Variants in SPAG6 observed in about 807,000 individuals in gnomAD.
SPAG6 encodes the protein sperm-associated antigen 6.
Under a neutral mutation model 58.5 loss-of-function variants are expected in SPAG6, and 49 were observed. The ratio of observed to expected loss-of-function variants is 0.84; its 90% CI spans 0.67 to 1.06. The LOEUF is 1.06. Among genes scored for constraint, SPAG6 ranks in the 50% least tolerant of loss-of-function variants. SPAG6 has a pLI of 0.00. For synonymous variants in SPAG6, 233 were observed against 225.6 expected (o/e 1.03, Z -0.29); for missense variants, 560 against 611.3 (o/e 0.92, Z 0.89).
chr10:22,394,911 G>C (rs1158490345), intron 8 of SPAG6, among the ~76,000 whole-genome samples: 1 of 152,096 alleles, frequency 6.6e-6, no homozygotes, highest in Non-Finnish European at 1.5e-5. Flanking sequence ...GGGTCTCACT[G>C]TGTTGCCCAG....
chr10:22,372,890 A>C (rs1040944323), intron 4 of SPAG6, among the ~76,000 whole-genome samples: 6 of 152,220 alleles, frequency 3.9e-5, no homozygotes, highest in Admixed American at 1.3e-4. Context: ...ATAGATGAGC[A>C]GACTGAAGTA....
chr10:22,414,391 A>C (rs767344352), intron 10 of SPAG6, among the ~76,000 whole-genome samples: 11 of 152,182 alleles, frequency 7.2e-5, no homozygotes, highest in Non-Finnish European at 1.2e-4. Flanking sequence ...CCGAAGGAGT[A>C]CGCTAAGAGC....
At chr10:22,361,006 G>A in intron 2 of SPAG6, 2 of 609,176 alleles carry the variant, frequency 3.3e-6, no homozygotes, top group East Asian at 2.8e-5. Flanking sequence ...TGTTTAATAT[G>A]TGTAAGAGGT....
chr10:22,415,562 T>G (rs1834848039), intron 10 of SPAG6, among the ~76,000 whole-genome samples: 1 of 152,180 alleles, frequency 6.6e-6, no homozygotes, highest in Admixed American at 6.5e-5. Flanking sequence ...CATAAGTAGC[T>G]GTTTAACTAT....
intron 4 of SPAG6, among the ~76,000 whole-genome samples, chr10:22,386,328 C>T (rs1834061968): frequency 6.6e-6 from 1 of 152,022 alleles, no homozygotes; most frequent in South Asian, 2.1e-4. Context: ...AATGTTTACT[C>T]ACGTAAATAG....
chr10:22,413,382 A>T (rs961851319), intron 10 of SPAG6, among the ~76,000 whole-genome samples: 1 of 151,914 alleles, frequency 6.6e-6, no homozygotes, highest in Admixed American at 6.6e-5. Flanking sequence ...AAATACAAAA[A>T]ATTAGCCTGG....
At chr10:22,362,563 A>T (rs1309883314) in intron 2 of SPAG6, among the ~76,000 whole-genome samples, 1 of 151,902 alleles carries the variant, frequency 6.6e-6, no homozygotes. Context: ...CAACATAGTG[A>T]GACCCCCATC....
rs183456829 is a variant in SPAG6, at chr10:22,357,962, A to G, written c.122-6891A>G. Among the ~76,000 whole-genome samples, 226 of 151,848 alleles carry G rather than the reference A, an allele frequency of 1.5e-3. 4 individuals carry two copies. Among genetic ancestry groups the G allele is most frequent in the African/African-American group, 4.9e-3 (204 of 41,370 alleles). ...CTATTCCATGGTGTATATGTGCCAC[A>G]TTTTCTTAATCCAGTCTCTCATTGT... is the stretch of plus-strand genomic sequence containing the variant. On this transcript the variant is annotated intron_variant, in intron 2 of 10. Transcript: ENST00000376624.
Position 22,345,919 on chromosome 10 carries a change from G to T in SPAG6, c.121+101G>T, listed in dbSNP as rs778508160. On this transcript the variant is annotated intron_variant, in intron 2 of 10. Coordinates refer to ENST00000376624, the MANE Select transcript of SPAG6 (RefSeq NM_012443.4). This position sits in a 1 kb window ranked among gnomAD's most constrained non-coding sequence, Gnocchi z 6.3. ...TGGAGCTCTTGGGGAGCCGCAGTGT[G>T]GGGACCGGAGTTCGCAAAAGCATCC... 4 of 1,572,080 alleles carry T rather than the reference G, an allele frequency of 2.5e-6. No individual in the cohort carries two copies. The highest frequency in any genetic ancestry group is 1.2e-5 in the South Asian group (1 of 86,016).
rs758423868 is a variant in SPAG6, at chr10:22,411,135, C to G, written c.1419C>G (p.Tyr473Ter). 1.2e-6 allele frequency: 2 copies of G among 1,613,772 alleles called. No individual in the cohort carries two copies. Among genetic ancestry groups the G allele is most frequent in the East Asian group, 4.5e-5 (2 of 44,866 alleles). Residue 473 changes from tyrosine (Y) to a stop codon, truncating the protein, a stop_gained, in exon 10 of 11, where the codon TAC (tyrosine) becomes TAG (stop). Coordinates refer to ENST00000376624, the MANE Select transcript of SPAG6 (RefSeq NM_012443.4). LOFTEE classifies it high-confidence loss of function. ...AACCTGGTTCTCTCCTTCAAGAATACATCAACAGTATTAACAGTTGTTACC... is the reference window on the plus strand; with the variant it reads ...AACCTGGTTCTCTCCTTCAAGAATAGATCAACAGTATTAACAGTTGTTACC... Reference protein sequence around the residue: ...KAEPGSLLQEYINSINSCYPE... With the variant: ...KAEPGSLLQE
intron 4 of SPAG6, among the ~76,000 whole-genome samples, chr10:22,386,482 TA>T (rs11323725): frequency 0.059 from 8,384 of 141,842 alleles, 503 homozygotes; most frequent in African/African-American, 0.16. Flanking sequence ...CTTACTCTCT[TA>T]AAAAAAAAAA....
At chr10:22,395,393 A>C (rs1834271437) in intron 8 of SPAG6, among the ~76,000 whole-genome samples, 1 of 152,056 alleles carries the variant, frequency 6.6e-6, no homozygotes, top group South Asian at 2.1e-4. Flanking sequence ...AACTCTTGTT[A>C]TTATCTTTAT....
chr10:22,378,218 C>T (rs907536100), intron 4 of SPAG6, among the ~76,000 whole-genome samples: 4 of 151,726 alleles, frequency 2.6e-5, no homozygotes, highest in Non-Finnish European at 4.4e-5. Context: ...TGCATGCCAC[C>T]ACGCCTGGCT....
chr10:22,347,250 T>C (rs1315269919), intron 2 of SPAG6, among the ~76,000 whole-genome samples: 1 of 152,166 alleles, frequency 6.6e-6, no homozygotes, highest in Non-Finnish European at 1.5e-5. Context: ...TAATCCTTTG[T>C]TCTATAGTTG....
rs1836502103 is a variant in SPAG6, at chr10:22,345,716, C to T, written c.26-7C>T. The T allele has an allele frequency of 6.2e-7, 1 of 1,609,782 alleles. No individual in the cohort carries two copies. Among genetic ancestry groups the T allele is most frequent in the South Asian group, 1.1e-5 (1 of 90,258 alleles). ...GCGGTGGGCTCCACCGACTCTCTCT[C>T]CCGCAGTGTTCGAGCAATACCAGAA... On this transcript the variant is annotated splice_region_variant and splice_polypyrimidine_tract_variant and intron_variant, in intron 1 of 10. Transcript: ENST00000376624. The surrounding 1 kb of genome is among the most constrained non-coding windows in gnomAD (Gnocchi z 6.3).
chr10:22,382,621 GAA>G, intron 4 of SPAG6, among the ~76,000 whole-genome samples: 1 of 152,280 alleles, frequency 6.6e-6, no homozygotes, highest in Non-Finnish European at 1.5e-5. Context: ...GAGGCAGGAT[GAA>G]GTAGCCTGTT....
chr10:22,346,585 C>T lies in SPAG6; in HGVS notation c.121+767C>T, dbSNP rs548807560. 8.6e-5 allele frequency among the ~76,000 whole-genome samples: 13 copies of T among 150,960 alleles called. No homozygotes were observed. In the East Asian group the frequency reaches 2.5e-3, roughly 30 times the overall value. ...TTGGATGATTCTACCACCATCTGAA[C>T]TGTAAGGTAGCATTTTATCACTACT... On this transcript the variant is annotated intron_variant, in intron 2 of 10. Transcript: ENST00000376624.
chr10:22,394,521 G>C (rs909006633), intron 8 of SPAG6, among the ~76,000 whole-genome samples: 2 of 151,870 alleles, frequency 1.3e-5, no homozygotes, highest in Non-Finnish European at 2.9e-5. Flanking sequence ...AATGGTTTTG[G>C]GTATGTTTAC....
Position 22,384,773 on chromosome 10 carries a change from C to T in SPAG6, c.473-1981C>T, listed in dbSNP as rs112683678. On this transcript the variant is annotated intron_variant, in intron 4 of 10. Coordinates refer to ENST00000376624, the MANE Select transcript of SPAG6 (RefSeq NM_012443.4). ...TGGAGAGAATAGAAAACTTGGGCAA[C>T]AAGTTAGAAGAACAGAATTTGCTTT... 6.4e-3 allele frequency among the ~76,000 whole-genome samples: 980 copies of T among 152,210 alleles called. 11 individuals carry two copies. Among genetic ancestry groups the T allele is most frequent in the African/African-American group, 0.022 (933 of 41,512 alleles).
Sources: gnomAD v4.1 joint callset for allele counts (sites outside exome capture counted in the v4.1 genomes callset) on GRCh38, gnomAD v4.1.1 for gene constraint, Gnocchi (gnomAD v3.1) non-coding constraint, MANE v1.5 for transcripts, NCBI Gene and HGNC (gene_info 2026-07-23, HGNC 2026-07-21) for gene names.